Variants in ATRNL1 observed in about 807,000 individuals in gnomAD.
The protein encoded by ATRNL1 is attractin like 1.
Under a neutral mutation model 182.7 loss-of-function variants are expected in ATRNL1, and 95 were observed. The observed-to-expected ratio is 0.52, with a 90% CI of 0.44 to 0.62. ATRNL1 has a LOEUF of 0.62. Ranked by LOEUF, ATRNL1 falls within the 20% of genes least tolerant of loss-of-function variation. ATRNL1 has a pLI of 0.00. For missense variants in ATRNL1, 1,471 were observed against 1,679.5 expected (o/e 0.88, Z 2.17); for synonymous variants, 576 against 568.3 (o/e 1.01, Z -0.19).
At chr10:115,230,913 GAGAGA>G (rs1849913731) in intron 9 of ATRNL1, among the ~76,000 whole-genome samples, 2 of 117,610 alleles carry the variant, frequency 1.7e-5, no homozygotes, top group Admixed American at 8.0e-5. Context: ...GAGAGAGAGA[GAGAGA>G]GAGAAAGAGA....
At chr10:115,266,771 T>A (rs1554910828) in intron 11 of ATRNL1, 26 bp from the exon 12 acceptor site, 2 of 1,422,150 alleles carry the variant, frequency 1.4e-6, no homozygotes, top group East Asian at 4.6e-5. Context: ...AGCGTTTCTT[T>A]AAGATTCTTG....
chr10:115,421,130 A>C (rs1845631935), intron 20 of ATRNL1, among the ~76,000 whole-genome samples: 1 of 152,182 alleles, frequency 6.6e-6, no homozygotes, highest in African/African-American at 2.4e-5. Flanking sequence ...AAATGAACTC[A>C]TACCAATTAC....
rs114815693 is a variant in ATRNL1, at chr10:115,439,080, A to C, written c.3322+12778A>C. On this transcript the variant is annotated intron_variant, in intron 21 of 28. Transcript: ENST00000355044. ...GACAGTAAAGTAAGCTAGAGAAAAG[A>C]AAATGTATTAAGAAAATAATAAGGA... Among the ~76,000 whole-genome samples the C allele has an allele frequency of 5.6e-3, 847 of 152,108 alleles. 15 individuals are homozygous for C. The highest frequency in any genetic ancestry group is 0.019 in the African/African-American group (803 of 41,544).
intron 18 of ATRNL1, among the ~76,000 whole-genome samples, chr10:115,326,293 GACAA>G (rs1356125518): frequency 2.0e-5 from 3 of 152,128 alleles, no homozygotes; most frequent in African/African-American, 7.2e-5. Flanking sequence ...ACCAATAACA[GACAA>G]ACAGAGAGCC....
intron 1 of ATRNL1, among the ~76,000 whole-genome samples, chr10:115,095,477 A>G (rs1452868002): frequency 2.0e-5 from 3 of 152,022 alleles, no homozygotes; most frequent in East Asian, 1.9e-4. Context: ...GGTAGAGTCT[A>G]TGATTTAAAT....
chr10:115,693,368 G>T (rs1232926429), intron 26 of ATRNL1, among the ~76,000 whole-genome samples: 2 of 152,110 alleles, frequency 1.3e-5, no homozygotes, highest in African/African-American at 2.4e-5. Context: ...TTTAGCAGAG[G>T]TATTGAACCA....
chr10:115,663,563 TATC>T (rs144433040), intron 26 of ATRNL1, among the ~76,000 whole-genome samples: 2,994 of 152,066 alleles, frequency 0.02, 63 homozygotes, highest in East Asian at 0.12. Context: ...TAGTGAGTGA[TATC>T]ATCCAAATTG....
At chr10:115,899,212 A>G (rs1565470990) in intron 28 of ATRNL1, among the ~76,000 whole-genome samples, 2 of 152,022 alleles carry the variant, frequency 1.3e-5, no homozygotes, top group South Asian at 4.1e-4. Flanking sequence ...TTCAATTCCC[A>G]TCTATGAGTG....
intron 10 of ATRNL1, among the ~76,000 whole-genome samples, chr10:115,257,790 T>A (rs1007135131): frequency 9.9e-5 from 15 of 152,246 alleles, no homozygotes; most frequent in African/African-American, 3.6e-4. Context: ...GGAGCTCTTG[T>A]AAGGCAGGCC....
intron 26 of ATRNL1, among the ~76,000 whole-genome samples, chr10:115,704,528 G>A (rs1031461064): frequency 3.8e-4 from 58 of 151,814 alleles, no homozygotes; most frequent in Admixed American, 3.7e-3. Context: ...TTGTATATAT[G>A]AGTTATATGT....
intron 27 of ATRNL1, among the ~76,000 whole-genome samples, chr10:115,802,043 C>T (rs1949807952): frequency 1.5e-5 from 1 of 66,412 alleles, no homozygotes; most frequent in Admixed American, 1.9e-4. Context: ...CACACACACA[C>T]ACAAAACAAA....
chr10:115,618,939 T>C (rs1273477808), intron 26 of ATRNL1, among the ~76,000 whole-genome samples: 2 of 152,238 alleles, frequency 1.3e-5, no homozygotes, highest in Admixed American at 6.5e-5. Context: ...GGTGTAACTG[T>C]TGTTTCTTCC....
intron 19 of ATRNL1, among the ~76,000 whole-genome samples, chr10:115,342,689 G>T (rs1460318278): frequency 1.3e-5 from 2 of 151,720 alleles, no homozygotes; most frequent in Non-Finnish European, 2.9e-5. Flanking sequence ...GGTGAGTTTT[G>T]TGTTTTCAGG....
At chr10:115,718,846 A>G (rs1947332894) in intron 26 of ATRNL1, among the ~76,000 whole-genome samples, 1 of 152,246 alleles carries the variant, frequency 6.6e-6, no homozygotes, top group African/African-American at 2.4e-5. Flanking sequence ...ACTATCTGCC[A>G]GCTGCCTGCT....
intron 24 of ATRNL1, among the ~76,000 whole-genome samples, chr10:115,501,289 T>C (rs1415521847): frequency 2.6e-5 from 4 of 152,118 alleles, no homozygotes; most frequent in African/African-American, 9.7e-5. Flanking sequence ...ATTAAATACC[T>C]ATGAGTTGGG....
chr10:115,552,809 G>T lies in ATRNL1; in HGVS notation c.3795+3273G>T, dbSNP rs191618097. ...ATACACTAACCCCAAACAAATTTCT[G>T]TGGTGTTAAAAAGATGAAAACTTTC... On this transcript the variant is annotated intron_variant, in intron 26 of 28. Transcript: ENST00000355044. Among the ~76,000 whole-genome samples the T allele has an allele frequency of 2.5e-3, 385 of 151,304 alleles. 1 individual carries two copies. Among genetic ancestry groups the T allele is most frequent in the African/African-American group, 8.7e-3 (361 of 41,476 alleles).
chr10:115,602,848 C>T (rs1267415754), intron 26 of ATRNL1, among the ~76,000 whole-genome samples: 9 of 113,110 alleles, frequency 8.0e-5, no homozygotes, highest in Non-Finnish European at 1.1e-4. Context: ...AGCGAGACTC[C>T]GTCTCAAAAA....
chr10:115,259,039 A>T (rs1046958328), intron 10 of ATRNL1, among the ~76,000 whole-genome samples: 4 of 152,094 alleles, frequency 2.6e-5, no homozygotes, highest in Non-Finnish European at 4.4e-5. Context: ...GTCAGCCCCT[A>T]CTGAGAGGTT....
intron 19 of ATRNL1, among the ~76,000 whole-genome samples, chr10:115,391,217 G>C (rs924530862): frequency 6.6e-6 from 1 of 152,168 alleles, no homozygotes; most frequent in East Asian, 1.9e-4. Context: ...AAGTGGTAAA[G>C]GTGGACATCC....
Sources: gnomAD v4.1 joint callset for allele counts (sites outside exome capture counted in the v4.1 genomes callset) on GRCh38, gnomAD v4.1.1 for gene constraint, MANE v1.5 for transcripts, NCBI Gene and HGNC (gene_info 2026-07-23, HGNC 2026-07-21) for gene names.